The following NGLY1 variants were observed in gnomAD, a reference collection of about 807,000 sequenced individuals.
NGLY1 encodes N-glycanase 1.
NGLY1 carries 68 observed loss-of-function variants against 84.6 expected under a neutral mutation model. That is an observed-to-expected ratio of 0.80 (90% CI 0.66 to 0.98). The LOEUF (loss-of-function observed/expected upper bound fraction) is 0.98. NGLY1 is among the 50% of genes least tolerant of loss of function. The pLI, the probability that NGLY1 is intolerant of heterozygous loss-of-function variation, is 0.00. For synonymous variants in NGLY1, 280 were observed against 275.2 expected, an observed-to-expected ratio of 1.02 and a Z score of -0.17; for missense variants, 779 against 770.2, an observed-to-expected ratio of 1.01 and a Z score of -0.14.
chr3:25,720,332 G>C (rs1344986012), intron 10 of NGLY1, 141 bp from the exon 11 acceptor site: 1 of 605,192 alleles, frequency 1.7e-6, no homozygotes, highest in Non-Finnish European at 2.6e-6. Context: ...CTGTTGAAAA[G>C]GTTCTTACTG....
Position 25,778,707 on chromosome 3 carries a change from T to G in NGLY1, c.132-19A>C, listed in dbSNP as rs374594731. ...AGGGTTTCTGACAAAAAACAAAAGT[T>G]TGATTATATATAAAAAAAACCAGGT... is the stretch of plus-strand genomic sequence containing the variant. On this transcript the variant is annotated intron_variant, in intron 1 of 11. Coordinates refer to ENST00000280700, the MANE Select transcript of NGLY1 (RefSeq NM_018297.4). The G allele has an allele frequency of 1.2e-5, 18 of 1,470,292 alleles. No homozygotes were observed. The African/African-American group carries it at 2.5e-4, about 21-fold the overall frequency. The allele number at this position is 1,470,292 out of a possible 1,614,324, so 91.1% of individuals were successfully genotyped here. A position where few individuals can be genotyped will look rare whatever the true frequency, so the allele number is the denominator to read the frequency against.
At chr3:25,772,177 T>C (rs1285884849) in intron 2 of NGLY1, among the ~76,000 whole-genome samples, 1 of 152,182 alleles carries the variant, frequency 6.6e-6, no homozygotes, top group Non-Finnish European at 1.5e-5. Flanking sequence ...TCATACAAAG[T>C]TTTGATTACC....
chr3:25,747,747 A>C (rs1174981251), intron 4 of NGLY1, among the ~76,000 whole-genome samples: 1 of 152,208 alleles, frequency 6.6e-6, no homozygotes, highest in Non-Finnish European at 1.5e-5. Flanking sequence ...CCAAAAAGAT[A>C]CACAAATATA....
intron 6 of NGLY1, 37 bp from the exon 7 acceptor site, chr3:25,736,186 G>C (rs1036766859): frequency 6.2e-7 from 1 of 1,601,454 alleles, no homozygotes; most frequent in African/African-American, 1.3e-5. Flanking sequence ...ATGGAAAAAA[G>C]ACAATGAAAT....
intron 2 of NGLY1, among the ~76,000 whole-genome samples, chr3:25,774,104 A>G (rs1180594635): frequency 6.6e-6 from 1 of 152,208 alleles, no homozygotes; most frequent in Non-Finnish European, 1.5e-5. Flanking sequence ...GTGTGCTGGT[A>G]GTAAAGCTGT....
At position 25,775,181 on chromosome 3, in the gene NGLY1, G is replaced by C. The variant is rs546741726; in HGVS notation, c.246+3393C>G. Among the ~76,000 whole-genome samples, 4 of 152,272 alleles carry C rather than the reference G, an allele frequency of 2.6e-5. No homozygotes were observed. The South Asian group carries it at 8.3e-4, about 32-fold the overall frequency. On this transcript the variant is annotated intron_variant, in intron 2 of 11. Coordinates refer to ENST00000280700, the MANE Select transcript of NGLY1 (RefSeq NM_018297.4). ...TTCAAAGGGTCTGTGAATTCTTTTG[G>C]TTTTCCTGGTATGTTCCTCTAGTAT...
At chr3:25,736,212 T>A (rs1705812290) in intron 6 of NGLY1, 63 bp from the exon 7 acceptor site, 3 of 1,583,440 alleles carry the variant, frequency 1.9e-6, no homozygotes, top group Middle Eastern at 1.7e-4. Context: ...TGACTTTCAA[T>A]AACTATACAC....
intron 10 of NGLY1, among the ~76,000 whole-genome samples, chr3:25,727,904 C>A (rs1182989056): frequency 1.3e-5 from 2 of 152,140 alleles, no homozygotes; most frequent in Non-Finnish European, 2.9e-5. Flanking sequence ...CGATAAAAAA[C>A]CCTTTTATTC....
intron 4 of NGLY1, among the ~76,000 whole-genome samples, chr3:25,750,847 C>G (rs1706702510): frequency 6.6e-6 from 1 of 152,082 alleles, no homozygotes; most frequent in Non-Finnish European, 1.5e-5. Flanking sequence ...TCCAGGACCC[C>G]CACCTATACC....
chr3:25,776,812 T>G (rs941420772), intron 2 of NGLY1, among the ~76,000 whole-genome samples: 21 of 152,174 alleles, frequency 1.4e-4, no homozygotes, highest in Admixed American at 1.4e-3. Context: ...CCTGGATCCA[T>G]CTACTTCTCT....
In NGLY1 at chr3:25,736,081, C is replaced by T. The variant is rs775839335; in HGVS notation, c.1072G>A (p.Val358Ile). The T allele has an allele frequency of 6.2e-7, 1 of 1,613,716 alleles. No individual in the cohort carries two copies. Among genetic ancestry groups the T allele is most frequent in the Non-Finnish European group, 8.5e-7 (1 of 1,179,864 alleles). The stretch of plus-strand genomic sequence containing the variant: ...TCATAAAGGAGTGGCTTGTCACAGA[C>T]ATCTTCACATGCATCACAGTGCAGC... ...RWLHCDACED[V>I]CDKPLLYEIG... Residue 358 changes from valine to isoleucine, a missense_variant, in exon 7 of 12, where the codon GTC becomes ATC. Transcript: ENST00000280700.
At chr3:25,727,141 G>C (rs547219391) in intron 10 of NGLY1, among the ~76,000 whole-genome samples, 54 of 152,116 alleles carry the variant, frequency 3.5e-4, no homozygotes, top group Non-Finnish European at 7.1e-4. Context: ...GAATACTTAA[G>C]TTATAACGAC....
At chr3:25,748,286 A>T (rs1706545593) in intron 4 of NGLY1, among the ~76,000 whole-genome samples, 1 of 152,146 alleles carries the variant, frequency 6.6e-6, no homozygotes, top group Non-Finnish European at 1.5e-5. Flanking sequence ...CTCCAGTATA[A>T]TAACAATGGA....
rs370585628 is a variant in NGLY1 at position 25,764,133 on chromosome 3, G to T, written c.425C>A (p.Pro142His). 1.2e-6 allele frequency: 2 copies of T among 1,614,040 alleles called. No homozygotes were observed. Among genetic ancestry groups the T allele is most frequent in the African/African-American group, 1.3e-5 (1 of 74,912 alleles). ...TQLPTTPSSN[P>H]SGLNQHTRNR... ...CCTTGTGTGCTGGTTTAACCCACTG[G>T]GATTTGAAGATGGTGTTGTAGGAAG... Residue 142 changes from proline to histidine, a missense_variant, in exon 3 of 12, where the codon CCC becomes CAC. By Grantham distance (77) the Pro-to-His change is moderately conservative. Coordinates refer to ENST00000280700, the MANE Select transcript of NGLY1 (RefSeq NM_018297.4).
chr3:25,720,348 A>G (rs1460327904), intron 10 of NGLY1, among the ~76,000 whole-genome samples, 157 bp from the exon 11 acceptor site: 9 of 151,848 alleles, frequency 5.9e-5, no homozygotes, highest in Admixed American at 5.3e-4. Context: ...TACTGCTAAC[A>G]TTTTTTTTGG....
At chr3:25,732,753 C>T (rs1705605005) in intron 8 of NGLY1, among the ~76,000 whole-genome samples, 1 of 152,152 alleles carries the variant, frequency 6.6e-6, no homozygotes, top group Admixed American at 6.5e-5. Flanking sequence ...ATGAAGGTAG[C>T]AACTTCTGTT....
Position 25,774,119 on chromosome 3 carries a change from C to A in NGLY1, c.246+4455G>T, listed in dbSNP as rs555302814. ...GTGTGCTGGTAGTAAAGCTGTCATG[C>A]GATTGGACTCAAGACCTCTGGTTAG... is the stretch of plus-strand genomic sequence containing the variant. On this transcript the variant is annotated intron_variant, in intron 2 of 11. Transcript: ENST00000280700. Among the ~76,000 whole-genome samples, 7 of 152,256 alleles carry A rather than the reference C, an allele frequency of 4.6e-5. 1 individual carries two copies. The East Asian group carries it at 1.4e-3, about 29-fold the overall frequency.
In NGLY1 at chr3:25,729,040, A is replaced by C. The variant is rs937350474; in HGVS notation, c.1611+93T>G. The stretch of plus-strand genomic sequence containing the variant: ...TTACTGAAAATAAGTTTGATATATC[A>C]GTTTTCATATTTTACACAACTGAAA... On this transcript the variant is annotated intron_variant, in intron 10 of 11. Transcript: ENST00000280700. The C allele has an allele frequency of 3.8e-5, 31 of 823,632 alleles. No homozygotes were observed. The African/African-American group carries it at 5.1e-4, about 14-fold the overall frequency. 51.0% of individuals were successfully genotyped at this position (823,632 alleles called of 1,614,324 possible). A position where few individuals can be genotyped will look rare whatever the true frequency, so the allele number is the denominator to read the frequency against.
intron 1 of NGLY1, among the ~76,000 whole-genome samples, chr3:25,782,158 T>C (rs1336725622): frequency 3.9e-5 from 6 of 152,188 alleles, no homozygotes; most frequent in Admixed American, 3.9e-4. Flanking sequence ...TTCAATTTAC[T>C]TTAAAAATCA....
Sources: gnomAD v4.1 joint callset for allele counts (sites outside exome capture counted in the v4.1 genomes callset) on GRCh38, gnomAD v4.1.1 for gene constraint, MANE v1.5 for transcripts, NCBI Gene and HGNC (gene_info 2026-07-23, HGNC 2026-07-21) for gene names.